The following BICD1 variants were observed in gnomAD, a reference collection of about 807,000 sequenced individuals.
The protein encoded by BICD1 is protein bicaudal D homolog 1.
BICD1 carries 35 observed loss-of-function variants against 92.5 expected under a neutral mutation model. The observed-to-expected ratio is 0.38, with a 90% confidence interval of 0.29 to 0.50. The LOEUF (loss-of-function observed/expected upper bound fraction) is 0.50. Among genes scored for constraint, BICD1 ranks in the 20% least tolerant of loss-of-function variants. The pLI is 0.93. For missense variants in BICD1, 950 were observed against 1,189.8 expected, an observed-to-expected ratio of 0.80 and a Z score of 2.97; for synonymous variants, 429 against 465.1, an observed-to-expected ratio of 0.92 and a Z score of 1.00.
At chr12:32,208,266 C>T (rs1284226828) in intron 1 of BICD1, among the ~76,000 whole-genome samples, 1 of 152,222 alleles carries the variant, frequency 6.6e-6, no homozygotes, top group Non-Finnish European at 1.5e-5. Flanking sequence ...GATTCCAAAG[C>T]ACGTCGTCTT....
chr12:32,171,700 G>A (rs369593572), intron 1 of BICD1, among the ~76,000 whole-genome samples: 6 of 152,128 alleles, frequency 3.9e-5, no homozygotes, highest in Non-Finnish European at 5.9e-5. Flanking sequence ...TTGGGAGGCC[G>A]AGGCGGATGG....
intron 1 of BICD1, among the ~76,000 whole-genome samples, chr12:32,113,274 A>G (rs1359566357): frequency 6.6e-6 from 1 of 152,164 alleles, no homozygotes; most frequent in East Asian, 1.9e-4. Context: ...TGAGGAAGAC[A>G]GTGGAGCTGA....
At chr12:32,198,062 G>A (rs1035785338) in intron 1 of BICD1, among the ~76,000 whole-genome samples, 4 of 151,804 alleles carry the variant, frequency 2.6e-5, no homozygotes, top group Non-Finnish European at 4.4e-5. Context: ...AAAATTAGCC[G>A]GGCGTGGTGG....
At chr12:32,376,086 A>ATTT (rs11378740) in intron 9 of BICD1, among the ~76,000 whole-genome samples, 28 of 140,488 alleles carry the variant, frequency 2.0e-4, no homozygotes, top group Middle Eastern at 3.7e-3. Flanking sequence ...TGCTAGTCAC[A>ATTT]TTTTTTTTTT....
intron 1 of BICD1, among the ~76,000 whole-genome samples, chr12:32,124,875 G>A (rs1354254744): frequency 6.6e-6 from 1 of 152,226 alleles, no homozygotes. Context: ...GGAAAGCTGT[G>A]TTATGGGGCT....
intron 4 of BICD1, among the ~76,000 whole-genome samples, chr12:32,324,457 T>G (rs1459874774): frequency 2.0e-5 from 3 of 152,202 alleles, no homozygotes; most frequent in Non-Finnish European, 4.4e-5. Flanking sequence ...CTTCCAACAT[T>G]TTATCCTCTG....
chr12:32,317,834 T>C (rs529551964), intron 4 of BICD1, among the ~76,000 whole-genome samples: 29 of 152,072 alleles, frequency 1.9e-4, no homozygotes, highest in Non-Finnish European at 3.5e-4. Context: ...CTAGGGTTTT[T>C]ATGGTTTTAG....
intron 7 of BICD1, chr12:32,338,047 G>A (rs1379504167): frequency 2.1e-5 from 10 of 474,154 alleles, no homozygotes; most frequent in East Asian, 1.7e-4. Flanking sequence ...TTGATTAATC[G>A]TAATATAATT....
chr12:32,121,394 A>C (rs1292463157), intron 1 of BICD1, among the ~76,000 whole-genome samples: 1 of 149,514 alleles, frequency 6.7e-6, no homozygotes, highest in South Asian at 2.3e-4. Flanking sequence ...GGAGTTCAAG[A>C]CCAGCCTGGC....
intron 1 of BICD1, among the ~76,000 whole-genome samples, chr12:32,205,691 C>A (rs1026560721): frequency 6.7e-6 from 1 of 149,022 alleles, no homozygotes; most frequent in African/African-American, 2.5e-5. Context: ...GATCAATTTG[C>A]ACTCTTTAAA....
intron 1 of BICD1, among the ~76,000 whole-genome samples, chr12:32,114,681 A>G (rs1941826239): frequency 1.3e-5 from 2 of 152,160 alleles, no homozygotes; most frequent in Non-Finnish European, 2.9e-5. Flanking sequence ...CAATTTAATA[A>G]AAAAAATTAA....
At chr12:32,123,190 G>C (rs530242342) in intron 1 of BICD1, among the ~76,000 whole-genome samples, 43 of 152,310 alleles carry the variant, frequency 2.8e-4, no homozygotes, top group African/African-American at 1.0e-3. Context: ...AGTGATCAGA[G>C]AAAGCCTCAT....
chr12:32,327,308 T>G (rs1948803794), intron 4 of BICD1, among the ~76,000 whole-genome samples, 153 bp from the exon 5 acceptor site: 1 of 152,226 alleles, frequency 6.6e-6, no homozygotes, highest in Admixed American at 6.5e-5. Context: ...CCAGAACTGC[T>G]GAAATAAAAA....
intron 1 of BICD1, among the ~76,000 whole-genome samples, chr12:32,162,753 C>T (rs1365786136): frequency 6.6e-6 from 1 of 152,108 alleles, no homozygotes; most frequent in Non-Finnish European, 1.5e-5. Flanking sequence ...CAGACCGAGG[C>T]AGGAGGATCG....
chr12:32,136,672 G>T (rs921088728), intron 1 of BICD1, among the ~76,000 whole-genome samples: 1 of 152,204 alleles, frequency 6.6e-6, no homozygotes, highest in Non-Finnish European at 1.5e-5. Context: ...GAGGCTGGGG[G>T]ATCGGTATTG....
intron 1 of BICD1, among the ~76,000 whole-genome samples, chr12:32,174,885 A>G (rs1203683755): frequency 7.2e-5 from 11 of 152,208 alleles, no homozygotes; most frequent in Non-Finnish European, 1.6e-4. Context: ...CAAGCATGAA[A>G]TGTATGTATT....
At chr12:32,293,622 G>A (rs886083767) in intron 2 of BICD1, among the ~76,000 whole-genome samples, 5 of 152,020 alleles carry the variant, frequency 3.3e-5, no homozygotes, top group Admixed American at 6.6e-5. Flanking sequence ...GAGCCACAGC[G>A]CCCGGCCTTT....
In BICD1 at chr12:32,288,063, G is replaced by T. The variant is rs139962011; in HGVS notation, c.427-5931G>T. On this transcript the variant is annotated intron_variant, in intron 2 of 9. Coordinates refer to ENST00000652176, the MANE Select transcript of BICD1 (RefSeq NM_001714.4). ...GAGCCACAAAGCCCCGTGAGGCTCAGGCTCAGAACTCCCCAGCACTTCCAC... is the reference window on the plus strand; with the variant it reads ...GAGCCACAAAGCCCCGTGAGGCTCATGCTCAGAACTCCCCAGCACTTCCAC... 5.2e-3 allele frequency among the ~76,000 whole-genome samples: 793 copies of T among 152,290 alleles called. 5 individuals carry two copies. Among genetic ancestry groups the T allele is most frequent in the African/African-American group, 0.018 (740 of 41,568 alleles).
chr12:32,252,729 A>G (rs1025196355), intron 2 of BICD1, among the ~76,000 whole-genome samples: 2 of 152,228 alleles, frequency 1.3e-5, no homozygotes, highest in African/African-American at 4.8e-5. Context: ...TAAGTGGCAC[A>G]TAGTGTCAGT....
Sources: allele counts gnomAD v4.1 joint callset (sites outside exome capture counted in the v4.1 genomes callset), GRCh38; gene constraint gnomAD v4.1.1; transcripts MANE v1.5; gene names NCBI Gene and HGNC (gene_info 2026-07-23, HGNC 2026-07-21).